SLC47A1: variants seen among roughly 807,000 people sequenced by gnomAD.
SLC47A1 encodes the protein solute carrier family 47 member 1.
In SLC47A1, 58 loss-of-function variants were observed where a neutral mutation model predicts 65.8. The ratio of observed to expected loss-of-function variants is 0.88; its 90% CI spans 0.71 to 1.10. The LOEUF is 1.10. Among genes scored for constraint, SLC47A1 ranks in the 50% least tolerant of loss-of-function variants. The pLI is 0.00. For missense variants in SLC47A1, 706 were observed against 719.2 expected, an observed-to-expected ratio of 0.98 and a Z score of 0.21; for synonymous variants, 285 against 295.0, an observed-to-expected ratio of 0.97 and a Z score of 0.35.
chr17:19,549,569 C>T, intron 4 of SLC47A1, 66 bp from the exon 5 acceptor site: 3 of 1,512,516 alleles, frequency 2.0e-6, no homozygotes, highest in Non-Finnish European at 2.7e-6. Flanking sequence ...TTTCTTCTGC[C>T]TAACTTTCCC....
chr17:19,556,211 T>C (rs1916605692), intron 10 of SLC47A1, 149 bp downstream of exon 10: 1 of 872,456 alleles, frequency 1.1e-6, no homozygotes, highest in South Asian at 1.6e-5. Flanking sequence ...CCTGGGAGGG[T>C]ACCTCTGCTA....
chr17:19,573,812 G>A (rs915060090), intron 16 of SLC47A1, among the ~76,000 whole-genome samples: 6 of 151,994 alleles, frequency 3.9e-5, no homozygotes, highest in African/African-American at 1.5e-4. Flanking sequence ...CACTGAGGGT[G>A]ACCAGCAGTC....
intron 14 of SLC47A1, among the ~76,000 whole-genome samples, chr17:19,569,902 G>T (rs1433231136): frequency 6.6e-6 from 1 of 152,200 alleles, no homozygotes; most frequent in South Asian, 2.1e-4. Flanking sequence ...CCAGTAGCTT[G>T]CTTTTACTAA....
chr17:19,552,873 G>A (rs143160619), intron 6 of SLC47A1, among the ~76,000 whole-genome samples: 8 of 152,280 alleles, frequency 5.3e-5, no homozygotes, highest in South Asian at 4.1e-4. Flanking sequence ...GTCAGCGTGC[G>A]CAGGGCCTTG....
chr17:19,542,528 CTG>C, intron 2 of SLC47A1, 34 bp downstream of exon 2: 1 of 1,539,304 alleles, frequency 6.5e-7, no homozygotes, highest in Non-Finnish European at 8.9e-7. Context: ...TTTACCAACA[CTG>C]TCTGTGTTTG....
chr17:19,539,478 G>C (rs1916079950), intron 1 of SLC47A1, among the ~76,000 whole-genome samples: 5 of 151,792 alleles, frequency 3.3e-5, no homozygotes, highest in Admixed American at 3.3e-4. Flanking sequence ...CTCAGCCCCA[G>C]GGAACTCCTG....
At chr17:19,534,191 G>T in intron 1 of SLC47A1, 117 bp downstream of exon 1, 1 of 1,295,292 alleles carries the variant, frequency 7.7e-7, no homozygotes, top group Non-Finnish European at 1.0e-6. Flanking sequence ...CCGCCGGCGG[G>T]CTCCGGGGAG....
intron 1 of SLC47A1, among the ~76,000 whole-genome samples, chr17:19,535,860 G>T (rs1567964340): frequency 6.6e-6 from 1 of 152,152 alleles, no homozygotes; most frequent in African/African-American, 2.4e-5. Flanking sequence ...ACCTCTTCTG[G>T]TCTCTGCATA....
intron 1 of SLC47A1, 37 bp from the exon 2 acceptor site, chr17:19,542,356 G>A (rs76931380): frequency 6.6e-7 from 1 of 1,510,548 alleles, no homozygotes; most frequent in Non-Finnish European, 9.0e-7. Context: ...TGCAATGGTG[G>A]TCACTCACGT....
At chr17:19,539,385 C>T (rs1389842632) in intron 1 of SLC47A1, among the ~76,000 whole-genome samples, 1 of 152,128 alleles carries the variant, frequency 6.6e-6, no homozygotes, top group Non-Finnish European at 1.5e-5. Context: ...GGGTCTGGAG[C>T]ACTCTCAAAG....
chr17:19,561,578 G>C (rs1447267810), intron 12 of SLC47A1, among the ~76,000 whole-genome samples: 1 of 150,608 alleles, frequency 6.6e-6, no homozygotes, highest in Non-Finnish European at 1.5e-5. Context: ...GGGAGGTGGA[G>C]CTTGCAGTGA....
intron 6 of SLC47A1, among the ~76,000 whole-genome samples, chr17:19,552,652 T>C (rs1916484533): frequency 6.6e-6 from 1 of 152,058 alleles, no homozygotes; most frequent in Non-Finnish European, 1.5e-5. Context: ...GGCATGGAAG[T>C]AGGAGCCACG....
Position 19,577,913 on chromosome 17 carries a change from T to C in SLC47A1, c.*360T>C. The C allele has an allele frequency of 3.2e-6, 4 of 1,240,336 alleles. No individual in the cohort carries two copies. Among genetic ancestry groups the C allele is most frequent in the East Asian group, 1.1e-4 (2 of 18,286 alleles). The allele number at this position is 1,240,336 out of a possible 1,614,324, so 76.8% of individuals were successfully genotyped here. On this transcript the variant is annotated 3_prime_UTR_variant, in exon 17 of 17. Coordinates refer to ENST00000270570, the MANE Select transcript of SLC47A1 (RefSeq NM_018242.3). ...TTCATACTGCTTGAATTATGTAAAA[T>C]ATATTTTACAGTATATCTTTCCTTG... is the stretch of plus-strand genomic sequence containing the variant.
rs189924860 is a variant in SLC47A1, at chr17:19,574,547, C to G, written c.1486+1686C>G. Reference sequence around the variant, plus strand: ...ATATTTAATTTGTTTTATTGAGGTTCTATAATGATCTTCAGGGAAGGGTTG... The same window carrying G: ...ATATTTAATTTGTTTTATTGAGGTTGTATAATGATCTTCAGGGAAGGGTTG... On this transcript the variant is annotated intron_variant, in intron 16 of 16. Transcript: ENST00000270570. 3.0e-3 allele frequency among the ~76,000 whole-genome samples: 453 copies of G among 152,308 alleles called. 3 individuals carry two copies. Among genetic ancestry groups the G allele is most frequent in the Middle Eastern group, 0.024 (7 of 294 alleles).
intron 14 of SLC47A1, among the ~76,000 whole-genome samples, chr17:19,569,985 T>C (rs1057161253): frequency 6.6e-6 from 1 of 152,150 alleles, no homozygotes; most frequent in African/African-American, 2.4e-5. Context: ...TAGTGACTCA[T>C]ACCTATAATC....
In SLC47A1 at chr17:19,577,505, A is replaced by G; in HGVS notation, c.1665A>G (p.Leu555=). The G allele has an allele frequency of 6.2e-7, 1 of 1,614,146 alleles. No homozygotes were observed. The highest frequency in any genetic ancestry group is 8.5e-7 in the Non-Finnish European group (1 of 1,180,018). The change falls in exon 17 of 17, where the codon TTA becomes TTG. Residue 555 remains leucine (L), a synonymous_variant. Transcript: ENST00000270570. ...RRGLLLLGVF[L]ILLVGILVRF... The stretch of plus-strand genomic sequence containing the variant: ...GGCTTCTGCTCCTGGGGGTCTTCTT[A>G]ATCTTGCTGGTGGGGATTTTAGTGA...
intron 2 of SLC47A1, among the ~76,000 whole-genome samples, chr17:19,542,730 C>T (rs746410576): frequency 1.1e-4 from 16 of 151,574 alleles, no homozygotes; most frequent in Non-Finnish European, 2.1e-4. Flanking sequence ...GGGCTGGGGA[C>T]ATCTGGGGGG....
At position 19,572,839 on chromosome 17, in the gene SLC47A1, C is replaced by G. The variant is rs1399567593; in HGVS notation, c.1464C>G (p.Leu488=). 10 of 1,614,014 alleles carry G rather than the reference C, an allele frequency of 6.2e-6. No homozygotes were observed. The highest frequency in any genetic ancestry group is 8.5e-6 in the Non-Finnish European group (10 of 1,180,022). ...TGCCTCGGAGTGGGAATTCTGCTCTCCCTCAGGATCCGCTTCACCCAGGTA... is the reference window on the plus strand; with the variant it reads ...TGCCTCGGAGTGGGAATTCTGCTCTGCCTCAGGATCCGCTTCACCCAGGTA... The part of the protein sequence containing the change: ...NNVPRSGNSA[L]PQDPLHPGCP... The change falls in exon 16 of 17, where the codon CTC becomes CTG. Residue 488 remains leucine, a synonymous_variant. Coordinates refer to ENST00000270570, the MANE Select transcript of SLC47A1 (RefSeq NM_018242.3).
intron 16 of SLC47A1, among the ~76,000 whole-genome samples, chr17:19,575,863 A>G (rs1213946284): frequency 6.6e-6 from 1 of 152,172 alleles, no homozygotes; most frequent in Non-Finnish European, 1.5e-5. Flanking sequence ...AGGCATACAA[A>G]TGTATTTAAC....
Sources: allele counts gnomAD v4.1 joint callset (sites outside exome capture counted in the v4.1 genomes callset), GRCh38; gene constraint gnomAD v4.1.1; transcripts MANE v1.5; gene names NCBI Gene and HGNC (gene_info 2026-07-23, HGNC 2026-07-21).